The following TGFBI variants were observed in gnomAD, a reference collection of about 807,000 sequenced individuals.
TGFBI encodes transforming growth factor beta induced.
TGFBI carries 50 observed loss-of-function variants against 73.7 expected under a neutral mutation model. The observed-to-expected ratio is 0.68, with a 90% CI of 0.54 to 0.86. The LOEUF (loss-of-function observed/expected upper bound fraction) is 0.86, where lower values mean the gene tolerates loss of function less well. TGFBI is among the 40% of genes least tolerant of loss of function. TGFBI has a pLI of 0.00. For missense variants in TGFBI, 839 were observed against 877.0 expected (o/e 0.96, Z 0.55); for synonymous variants, 362 against 360.5 (o/e 1.00, Z -0.05).
intron 2 of TGFBI, among the ~76,000 whole-genome samples, chr5:136,041,317 G>C (rs185247965): frequency 1.3e-5 from 2 of 152,234 alleles, no homozygotes; most frequent in East Asian, 3.9e-4. Flanking sequence ...CTGAGGGACT[G>C]AGCCTTGGTT....
At chr5:136,031,979 C>A (rs747385511) in intron 1 of TGFBI, among the ~76,000 whole-genome samples, 1 of 152,138 alleles carries the variant, frequency 6.6e-6, no homozygotes, top group Non-Finnish European at 1.5e-5. Context: ...CAAACGCCTA[C>A]GGAAAGTGGC....
In TGFBI at chr5:136,033,174, C is replaced by G. The variant is rs369155184; in HGVS notation, c.135-589C>G. 7.3e-4 allele frequency among the ~76,000 whole-genome samples: 111 copies of G among 152,248 alleles called. 1 individual carries two copies. In the South Asian group the frequency reaches 0.022, roughly 30 times the overall value. On this transcript the variant is annotated intron_variant, in intron 1 of 16. Coordinates refer to ENST00000442011, the MANE Select transcript of TGFBI (RefSeq NM_000358.3). ...AGGAATTCTGTTTGGAACCCAACAT[C>G]AAATAAGGACCGTATCCACTGTCAG...
chr5:136,030,379 A>G (rs2126900731), intron 1 of TGFBI, among the ~76,000 whole-genome samples: 1 of 152,276 alleles, frequency 6.6e-6, no homozygotes, highest in South Asian at 2.1e-4. Context: ...CTTGTAGGGC[A>G]TAGTTGCTCT....
Position 136,055,036 on chromosome 5 carries a change from G to A in TGFBI, c.1410+175G>A, listed in dbSNP as rs117264851. 1,683 of 786,284 alleles carry A rather than the reference G, an allele frequency of 2.1e-3. 18 individuals carry two copies. The highest frequency in any genetic ancestry group is 0.02 in the East Asian group (768 of 39,166). The allele number at this position is 786,284 out of a possible 1,614,324, so 48.7% of individuals were successfully genotyped here. ...CAAAATGAGATCCTGCAGAAGGATT[G>A]GAATCTCTTTTTCTGGAGGCCTTTG... On this transcript the variant is annotated intron_variant, in intron 10 of 16. Coordinates refer to ENST00000442011, the MANE Select transcript of TGFBI (RefSeq NM_000358.3).
rs1019512447 is a variant in TGFBI at position 136,049,708 on chromosome 5, G to C, written c.913+128G>C. ...CCTCAGGATATCCACTGCAGCCATG[G>C]GCTGGGGTCATCCTGTCCTGTTGCT... is the stretch of plus-strand genomic sequence containing the variant. On this transcript the variant is annotated intron_variant, in intron 7 of 16. Coordinates refer to ENST00000442011, the MANE Select transcript of TGFBI (RefSeq NM_000358.3). 9.5e-6 allele frequency: 11 copies of C among 1,160,412 alleles called. No individual in the cohort carries two copies. In the African/African-American group the frequency reaches 1.5e-4, roughly 16 times the overall value. The allele number at this position is 1,160,412 out of a possible 1,614,324, so 71.9% of individuals were successfully genotyped here. A position where few individuals can be genotyped will look rare whatever the true frequency, so the allele number is the denominator to read the frequency against.
rs2126900354 is a variant in TGFBI at position 136,029,611 on chromosome 5, GA to G, written c.134+423del. Among the ~76,000 whole-genome samples, 3 of 152,276 alleles carry G rather than the reference GA, an allele frequency of 2.0e-5. No individual in the cohort carries two copies. The South Asian group carries it at 6.2e-4, about 32-fold the overall frequency. ...CAACCCAGCCAGGCCCCCGGCCAGC[GA>G]CTCCAGACAAGAACCTGGGCCACAC... On this transcript the variant is annotated intron_variant, in intron 1 of 16. Coordinates refer to ENST00000442011, the MANE Select transcript of TGFBI (RefSeq NM_000358.3).
At chr5:136,042,804 G>A (rs1476814053) in intron 2 of TGFBI, among the ~76,000 whole-genome samples, 1 of 152,140 alleles carries the variant, frequency 6.6e-6, no homozygotes, top group African/African-American at 2.4e-5. Context: ...ACACCCCCTG[G>A]AGAACAGATG....
intron 12 of TGFBI, 160 bp from the exon 13 acceptor site, chr5:136,058,930 A>G (rs1751697214): frequency 1.2e-6 from 1 of 846,962 alleles, no homozygotes; most frequent in East Asian, 2.8e-5. Flanking sequence ...GTGGGTCACA[A>G]CGTTGAGTAT....
At chr5:136,052,767 T>C in intron 7 of TGFBI, 140 bp from the exon 8 acceptor site, 1 of 795,622 alleles carries the variant, frequency 1.3e-6, no homozygotes, top group Non-Finnish European at 2.0e-6. Context: ...GAGGAGGATC[T>C]GGGCCCTGTG....
chr5:136,049,285 G>T, intron 6 of TGFBI, 154 bp from the exon 7 acceptor site: 1 of 1,029,646 alleles, frequency 9.7e-7, no homozygotes, highest in Non-Finnish European at 1.4e-6. Flanking sequence ...TGGGGGCCAT[G>T]GTCATGGGTG....
chr5:136,037,013 C>T (rs1391929126), intron 2 of TGFBI, among the ~76,000 whole-genome samples: 6 of 152,106 alleles, frequency 3.9e-5, no homozygotes, highest in African/African-American at 1.4e-4. Context: ...CAGGAGCCGA[C>T]CTGGTGAGAC....
At chr5:136,061,961 G>C (rs1205219045) in intron 15 of TGFBI, among the ~76,000 whole-genome samples, 1 of 152,196 alleles carries the variant, frequency 6.6e-6, no homozygotes, top group Non-Finnish European at 1.5e-5. Flanking sequence ...CTCTTCTGCT[G>C]TCCATGGCAT....
Position 136,046,934 on chromosome 5 carries a change from G to A in TGFBI, c.543G>A (p.Leu181=), listed in dbSNP as rs1293011225. 1 of 1,613,798 alleles carries A rather than the reference G, an allele frequency of 6.2e-7. No individual in the cohort carries two copies. The highest frequency in any genetic ancestry group is 1.1e-5 in the South Asian group (1 of 91,016). ...ACCATATGGTGGGCAGGCGAGTCCT[G>A]ACTGATGAGCTGAAACACGGCATGA... ...LRYHMVGRRV[L]TDELKHGMTL... Residue 181 remains leucine, a synonymous_variant, in exon 5 of 17, where the codon CTG becomes CTA. Coordinates refer to ENST00000442011, the MANE Select transcript of TGFBI (RefSeq NM_000358.3).
chr5:136,033,017 T>G (rs1488871478), intron 1 of TGFBI, among the ~76,000 whole-genome samples: 1 of 152,116 alleles, frequency 6.6e-6, no homozygotes, highest in African/African-American at 2.4e-5. Context: ...TCGTGCTCCT[T>G]CTACACCCTG....
At chr5:136,032,295 C>T (rs903037259) in intron 1 of TGFBI, among the ~76,000 whole-genome samples, 2 of 152,070 alleles carry the variant, frequency 1.3e-5, no homozygotes, top group Admixed American at 1.3e-4. Flanking sequence ...GCTCATTGTC[C>T]CTCCTGGGCC....
At chr5:136,033,444 A>T (rs1242359188) in intron 1 of TGFBI, among the ~76,000 whole-genome samples, 1 of 152,194 alleles carries the variant, frequency 6.6e-6, no homozygotes, top group Non-Finnish European at 1.5e-5. Context: ...GCATGTCTGT[A>T]TGGAGAGCTG....
chr5:136,063,122 C>A, intron 16 of TGFBI, 64 bp from the exon 17 acceptor site: 1 of 1,480,210 alleles, frequency 6.8e-7, no homozygotes, highest in Non-Finnish European at 9.4e-7. Flanking sequence ...GAGATTCTGA[C>A]AGTGTCCTAG....
At chr5:136,042,837 A>G (rs1235116919) in intron 2 of TGFBI, among the ~76,000 whole-genome samples, 4 of 152,156 alleles carry the variant, frequency 2.6e-5, no homozygotes, top group Admixed American at 2.6e-4. Flanking sequence ...TCTTCGCTTA[A>G]CTAAGTCTTC....
In TGFBI at chr5:136,063,554, TG is replaced by T. The variant is rs1169350200; in HGVS notation, c.*332del. The T allele has an allele frequency of 6.5e-6, 2 of 307,502 alleles. No individual in the cohort carries two copies. The highest frequency in any genetic ancestry group is 1.2e-5 in the Non-Finnish European group (2 of 164,118). 19.0% of individuals were successfully genotyped at this position (307,502 alleles called of 1,614,324 possible). A position where few individuals can be genotyped will look rare whatever the true frequency, so the allele number is the denominator to read the frequency against. The stretch of plus-strand genomic sequence containing the variant: ...CCCTGGAAAAGGAGCTTCAGTATTG[TG>T]GGGCTCATAAAACATGAATCAAGCA... On this transcript the variant is annotated 3_prime_UTR_variant, in exon 17 of 17. Transcript: ENST00000442011.
Sources: allele counts gnomAD v4.1 joint callset (sites outside exome capture counted in the v4.1 genomes callset), GRCh38; gene constraint gnomAD v4.1.1; transcripts MANE v1.5; gene names NCBI Gene and HGNC (gene_info 2026-07-23, HGNC 2026-07-21).